PHACTR1: variants seen among roughly 807,000 people sequenced by gnomAD.
The protein encoded by PHACTR1 is phosphatase and actin regulator 1.
PHACTR1 carries 16 observed loss-of-function variants against 69.2 expected under a neutral mutation model. The ratio of observed to expected loss-of-function variants is 0.23; its 90% CI spans 0.16 to 0.35. The LOEUF (loss-of-function observed/expected upper bound fraction) is 0.35, where lower values mean the gene tolerates loss of function less well. Ranked by LOEUF, PHACTR1 falls within the 10% of genes least tolerant of loss-of-function variation. The pLI, the probability that PHACTR1 is intolerant of heterozygous loss-of-function variation, is 1.00. For missense variants in PHACTR1, 510 were observed against 734.7 expected (o/e 0.69, Z 3.54); for synonymous variants, 312 against 284.5 (o/e 1.10, Z -0.97).
chr6:13,129,165 T>C (rs748222702), intron 5 of PHACTR1, among the ~76,000 whole-genome samples: 1 of 152,076 alleles, frequency 6.6e-6, no homozygotes, highest in Non-Finnish European at 1.5e-5. Context: ...TTCTAAATCT[T>C]GAAACAAAAC....
intron 4 of PHACTR1, among the ~76,000 whole-genome samples, chr6:12,909,644 C>A (rs1786143540): frequency 6.6e-6 from 1 of 152,118 alleles, no homozygotes; most frequent in African/African-American, 2.4e-5. Context: ...ATACAATGGC[C>A]CATGTATCCC....
At chr6:12,860,154 T>TC (rs1780802229) in intron 4 of PHACTR1, among the ~76,000 whole-genome samples, 2 of 151,910 alleles carry the variant, frequency 1.3e-5, no homozygotes, top group Admixed American at 1.3e-4. Flanking sequence ...CCTCCCCTTA[T>TC]CCCCCACTCC....
At chr6:12,893,158 C>G (rs906220983) in intron 4 of PHACTR1, among the ~76,000 whole-genome samples, 4 of 152,198 alleles carry the variant, frequency 2.6e-5, no homozygotes, top group African/African-American at 7.2e-5. Context: ...ACATGACTCT[C>G]TGATTCTTCC....
intron 4 of PHACTR1, among the ~76,000 whole-genome samples, chr6:13,045,659 A>G (rs138265415): frequency 7.4e-4 from 112 of 152,330 alleles, no homozygotes; most frequent in African/African-American, 2.5e-3. Flanking sequence ...TAACAGAAAC[A>G]TGGGCCATCT....
chr6:13,237,836 C>T (rs970423621), intron 10 of PHACTR1, among the ~76,000 whole-genome samples: 1 of 152,196 alleles, frequency 6.6e-6, no homozygotes, highest in African/African-American at 2.4e-5. Context: ...TGGTATGTTA[C>T]AGTACTGAAT....
At chr6:13,150,264 C>T (rs1304902136) in intron 5 of PHACTR1, among the ~76,000 whole-genome samples, 2 of 152,106 alleles carry the variant, frequency 1.3e-5, no homozygotes, top group African/African-American at 2.4e-5. Context: ...ATCACTTAAG[C>T]CTGGCAGGTG....
At chr6:13,162,778 C>T (rs2113563261) in intron 6 of PHACTR1, among the ~76,000 whole-genome samples, 2 of 152,216 alleles carry the variant, frequency 1.3e-5, no homozygotes, top group South Asian at 4.1e-4. Flanking sequence ...GGGAAAGAAA[C>T]AGGATCCCTG....
chr6:12,920,595 G>A (rs1787528718), intron 4 of PHACTR1, among the ~76,000 whole-genome samples: 2 of 152,172 alleles, frequency 1.3e-5, no homozygotes, highest in South Asian at 2.1e-4. Flanking sequence ...GGCACTATAA[G>A]GAGTGAGGCA....
intron 4 of PHACTR1, among the ~76,000 whole-genome samples, chr6:12,982,434 A>T (rs144061592): frequency 0.01 from 1,565 of 152,330 alleles, 15 homozygotes; most frequent in Middle Eastern, 0.02. Context: ...TAATCCCAAT[A>T]CTTTGGGAGG....
At chr6:12,793,647 A>G (rs1232635924) in intron 4 of PHACTR1, among the ~76,000 whole-genome samples, 1 of 152,210 alleles carries the variant, frequency 6.6e-6, no homozygotes. Flanking sequence ...GGTAGAATTT[A>G]GTGGTGGGAT....
intron 5 of PHACTR1, among the ~76,000 whole-genome samples, chr6:13,057,746 C>T (rs1807022911): frequency 3.3e-5 from 5 of 152,176 alleles, no homozygotes; most frequent in African/African-American, 7.2e-5. Flanking sequence ...ATGATTTCAA[C>T]GTTTCCCTCA....
chr6:13,075,063 G>A (rs1275357688), intron 5 of PHACTR1, among the ~76,000 whole-genome samples: 1 of 152,146 alleles, frequency 6.6e-6, no homozygotes, highest in African/African-American at 2.4e-5. Flanking sequence ...TCATATGTAT[G>A]CGTTGCTTTT....
chr6:12,733,496 G>C (rs1179820160), intron 3 of PHACTR1, among the ~76,000 whole-genome samples: 1 of 152,144 alleles, frequency 6.6e-6, no homozygotes, highest in Non-Finnish European at 1.5e-5. Context: ...AGTCTTTCTG[G>C]CTTCACAGCT....
Position 13,079,952 on chromosome 6 carries a change from C to T in PHACTR1, c.415+26423C>T, listed in dbSNP as rs73368172. 9.9e-3 allele frequency among the ~76,000 whole-genome samples: 1,511 copies of T among 152,190 alleles called. 16 individuals carry two copies. The highest frequency in any genetic ancestry group is 0.033 in the African/African-American group (1,391 of 41,524). On this transcript the variant is annotated intron_variant, in intron 5 of 14. Transcript: ENST00000332995. The stretch of plus-strand genomic sequence containing the variant: ...ACCTTCCTCTCGTTTTGACAGCCAC[C>T]GAGCATTCTCTTCTACAAATACAGA...
intron 8 of PHACTR1, among the ~76,000 whole-genome samples, chr6:13,213,262 TA>T (rs1387449019): frequency 6.6e-6 from 1 of 152,254 alleles, no homozygotes; most frequent in Non-Finnish European, 1.5e-5. Flanking sequence ...TTTAACCTTT[TA>T]TATTTTCTTT....
At chr6:13,140,192 A>C (rs1202461040) in intron 5 of PHACTR1, among the ~76,000 whole-genome samples, 1 of 1,900 alleles carries the variant, frequency 5.3e-4, no homozygotes, top group East Asian at 9.3e-3. Flanking sequence ...GTTGCTAATC[A>C]AAATGGTGCA....
chr6:12,771,698 T>C (rs993612029), intron 4 of PHACTR1, among the ~76,000 whole-genome samples: 4 of 152,150 alleles, frequency 2.6e-5, no homozygotes, highest in African/African-American at 9.7e-5. Context: ...CTTTCCTATA[T>C]TTGCCATGAC....
chr6:12,921,677 A>G, intron 4 of PHACTR1, among the ~76,000 whole-genome samples: 1 of 112,486 alleles, frequency 8.9e-6, no homozygotes. Context: ...AGGGAAAGGA[A>G]GAAGGAGGAA....
chr6:12,740,420 T>C (rs1183996223), intron 3 of PHACTR1, among the ~76,000 whole-genome samples: 1 of 152,180 alleles, frequency 6.6e-6, no homozygotes, highest in African/African-American at 2.4e-5. Context: ...TGGCATTAAG[T>C]GATTTTAAAA....
Sources: gnomAD v4.1 joint callset for allele counts (sites outside exome capture counted in the v4.1 genomes callset) on GRCh38, gnomAD v4.1.1 for gene constraint, MANE v1.5 for transcripts, NCBI Gene and HGNC (gene_info 2026-07-23, HGNC 2026-07-21) for gene names.